Variants in CTTN observed in about 807,000 individuals in gnomAD.
CTTN encodes src substrate cortactin.
CTTN carries 28 observed loss-of-function variants against 84.0 expected under a neutral mutation model. The observed-to-expected ratio is 0.33, with a 90% confidence interval of 0.25 to 0.46. The LOEUF (loss-of-function observed/expected upper bound fraction) is 0.46. CTTN is among the 20% of genes least tolerant of loss of function. The pLI, the probability that CTTN is intolerant of heterozygous loss-of-function variation, is 1.00. For missense variants in CTTN, 641 were observed against 723.8 expected (o/e 0.89, Z 1.31); for synonymous variants, 301 against 288.8 (o/e 1.04, Z -0.43).
intron 5 of CTTN, among the ~76,000 whole-genome samples, chr11:70,411,652 G>A (rs2058097839): frequency 6.6e-6 from 1 of 152,206 alleles, no homozygotes; most frequent in Non-Finnish European, 1.5e-5. Flanking sequence ...AGCCTGGTAG[G>A]GAAGCTGCTG....
At chr11:70,415,937 G>A (rs981790582) in intron 7 of CTTN, 17 of 527,384 alleles carry the variant, frequency 3.2e-5, no homozygotes, top group Admixed American at 6.7e-5. Flanking sequence ...TGTATTCCCC[G>A]TTACACATCC....
chr11:70,411,402 G>A (rs532470026), intron 5 of CTTN, among the ~76,000 whole-genome samples: 163 of 137,400 alleles, frequency 1.2e-3, no homozygotes, highest in Non-Finnish European at 1.8e-3. Flanking sequence ...ACGGACAGAC[G>A]GAATCCGTGT....
Position 70,427,214 on chromosome 11 carries a change from G to A in CTTN, c.1027+1813G>A, listed in dbSNP as rs889131680. Among the ~76,000 whole-genome samples, 63 of 152,018 alleles carry A rather than the reference G, an allele frequency of 4.1e-4. 1 individual carries two copies. The highest frequency in any genetic ancestry group is 3.7e-3 in the Admixed American group (57 of 15,276). On this transcript the variant is annotated intron_variant, in intron 13 of 17. Transcript: ENST00000301843. ...AAGATACAAAAAGTAGCTGGGCATGGTGGTCCACGCCTGTAATCCCAGCTA... is the reference window on the plus strand; with the variant it reads ...AAGATACAAAAAGTAGCTGGGCATGATGGTCCACGCCTGTAATCCCAGCTA...
chr11:70,424,609 C>T (rs926149723), intron 12 of CTTN, among the ~76,000 whole-genome samples: 1 of 151,966 alleles, frequency 6.6e-6, no homozygotes, highest in Non-Finnish European at 1.5e-5. Flanking sequence ...AGGCTGATGG[C>T]CTTGCCTTTG....
intron 12 of CTTN, among the ~76,000 whole-genome samples, chr11:70,424,888 C>T (rs925901671): frequency 2.0e-5 from 3 of 152,232 alleles, no homozygotes; most frequent in Non-Finnish European, 2.9e-5. Context: ...TAAGAGTCAT[C>T]GCCGTCGCTT....
intron 13 of CTTN, among the ~76,000 whole-genome samples, chr11:70,426,204 G>A (rs1236310499): frequency 2.0e-5 from 3 of 152,100 alleles, no homozygotes; most frequent in South Asian, 2.1e-4. Context: ...TCAGGAGATC[G>A]AGACCATCCT....
intron 13 of CTTN, among the ~76,000 whole-genome samples, chr11:70,428,166 T>C (rs2058319009): frequency 7.4e-6 from 1 of 135,130 alleles, no homozygotes; most frequent in Non-Finnish European, 1.6e-5. Flanking sequence ...TTTTTTTTTT[T>C]TTTTTTTTTT....
intron 2 of CTTN, among the ~76,000 whole-genome samples, chr11:70,406,358 AC>A: frequency 6.6e-6 from 1 of 152,314 alleles, no homozygotes; most frequent in African/African-American, 2.4e-5. Flanking sequence ...TAGAGTCCCA[AC>A]ATGGCACCTG....
chr11:70,411,894 G>A (rs1466326576), intron 5 of CTTN, among the ~76,000 whole-genome samples: 8 of 152,126 alleles, frequency 5.3e-5, no homozygotes, highest in East Asian at 3.9e-4. Context: ...TTCAAGGGTC[G>A]GGACTTGTCA....
intron 1 of CTTN, among the ~76,000 whole-genome samples, chr11:70,399,803 A>C (rs1470749742): frequency 1.3e-5 from 2 of 152,098 alleles, no homozygotes. Context: ...CTGGAATCCC[A>C]TGCGCTCCCT....
chr11:70,408,530 T>A (rs1475755519), intron 4 of CTTN, among the ~76,000 whole-genome samples: 2 of 152,148 alleles, frequency 1.3e-5, no homozygotes. Context: ...CCTGAGTAGC[T>A]GGAACCATGG....
At chr11:70,417,401 G>A (rs1376009573) in intron 8 of CTTN, among the ~76,000 whole-genome samples, 5 of 151,940 alleles carry the variant, frequency 3.3e-5, no homozygotes, top group South Asian at 2.1e-4. Context: ...AGGTCTTGCC[G>A]TGTTGCCCGG....
Position 70,435,170 on chromosome 11 carries a change from A to C in CTTN, c.*8A>C, listed in dbSNP as rs1335249693. 1 of 1,596,052 alleles carries C rather than the reference A, an allele frequency of 6.3e-7. No homozygotes were observed. Among genetic ancestry groups the C allele is most frequent in the Non-Finnish European group, 8.5e-7 (1 of 1,172,466 alleles). Reference sequence around the variant, plus strand: ...GTGGAGCTGCGGCAGTAGGGCCCCCAGCCCCCCCCCGGAGCTGCGCCCTGG... The same window carrying C: ...GTGGAGCTGCGGCAGTAGGGCCCCCCGCCCCCCCCCGGAGCTGCGCCCTGG... On this transcript the variant is annotated 3_prime_UTR_variant, in exon 18 of 18. Transcript: ENST00000301843.
intron 13 of CTTN, among the ~76,000 whole-genome samples, chr11:70,426,615 CTT>C (rs1565497942): frequency 6.7e-6 from 1 of 150,252 alleles, no homozygotes; most frequent in African/African-American, 2.4e-5. Context: ...CAGAGTATCA[CTT>C]TGTCGCCCAG....
chr11:70,430,058 G>T (rs950259788), intron 14 of CTTN, among the ~76,000 whole-genome samples: 1 of 152,192 alleles, frequency 6.6e-6, no homozygotes, highest in African/African-American at 2.4e-5. Context: ...CTGTCCTGTT[G>T]GGGTCAAGCA....
chr11:70,431,984 G>A (rs956414871), intron 15 of CTTN, among the ~76,000 whole-genome samples: 15 of 152,200 alleles, frequency 9.9e-5, no homozygotes, highest in South Asian at 2.1e-4. Flanking sequence ...CCTGGTCTAT[G>A]CATTCATCTC....
chr11:70,429,232 T>G, intron 14 of CTTN, 33 bp downstream of exon 14: 2 of 1,594,532 alleles, frequency 1.3e-6, no homozygotes, highest in Non-Finnish European at 1.7e-6. Context: ...CAGCGCACCC[T>G]CCCTGGGACC....
intron 11 of CTTN, 109 bp from the exon 12 acceptor site, chr11:70,422,831 G>A (rs973779842): frequency 1.7e-5 from 27 of 1,566,276 alleles, no homozygotes; most frequent in East Asian, 2.3e-5. Context: ...GTTTCTTCCC[G>A]CTGTGGTGCA....
chr11:70,417,970 A>G (rs1013645667), intron 8 of CTTN, among the ~76,000 whole-genome samples: 2 of 152,208 alleles, frequency 1.3e-5, no homozygotes, highest in Admixed American at 1.3e-4. Context: ...TCCCCACTGC[A>G]TAGCCTGTAC....
Sources: gnomAD v4.1 joint callset for allele counts (sites outside exome capture counted in the v4.1 genomes callset) on GRCh38, gnomAD v4.1.1 for gene constraint, MANE v1.5 for transcripts, NCBI Gene and HGNC (gene_info 2026-07-23, HGNC 2026-07-21) for gene names.